The following FCN2 variants were observed in gnomAD, a reference collection of about 807,000 sequenced individuals.
FCN2 encodes the protein ficolin-2.
A neutral mutation model predicts 32.5 loss-of-function variants in FCN2; 31 were observed. That is an observed-to-expected ratio of 0.96 (90% CI 0.72 to 1.29). FCN2 has a LOEUF of 1.29. Among genes scored for constraint, FCN2 ranks in the 50% most tolerant of loss-of-function variants. The pLI is 0.00. For synonymous variants in FCN2, 181 were observed against 164.5 expected (o/e 1.10, Z -0.77); for missense variants, 412 against 406.5 (o/e 1.01, Z -0.12).
chr9:134,885,107 C>A, intron 4 of FCN2, 132 bp from the exon 5 acceptor site: 1 of 1,325,716 alleles, frequency 7.5e-7, no homozygotes, highest in Non-Finnish European at 1.1e-6. Flanking sequence ...GTGTCCCTGT[C>A]CAGGCCTCAG....
Position 134,883,340 on chromosome 9 carries a change from C to A in FCN2, c.253C>A (p.Pro85Thr). ...GPPGPPGKAG[P>T]PGPNGAPGEP... ...CCCTGGACCTCCTGGGAAGGCAGGA[C>A]CACCTGGGCCCAACGGTAAGGAGGG... Residue 85 changes from proline to threonine, a missense_variant, in exon 3 of 8, where the codon CCA becomes ACA. Physicochemically the swap from Pro to Thr is conservative, Grantham distance 38 (BLOSUM62 -1). Transcript: ENST00000291744. 6.2e-7 allele frequency: 1 copy of A among 1,613,584 alleles called. No homozygotes were observed. The highest frequency in any genetic ancestry group is 8.5e-7 in the Non-Finnish European group (1 of 1,179,590).
intron 3 of FCN2, among the ~76,000 whole-genome samples, chr9:134,883,787 A>G (rs1219189241): frequency 1.0e-5 from 1 of 98,914 alleles, no homozygotes; most frequent in Non-Finnish European, 2.0e-5. Context: ...TGGGGGAGAG[A>G]TTCTGGGATG....
chr9:134,871,269 TG>T, the FCN2 span, among the ~76,000 whole-genome samples: 1 of 152,198 alleles, frequency 6.6e-6, no homozygotes, highest in Non-Finnish European at 1.5e-5. Context: ...GCTTGGCCAC[TG>T]AGTGTGGTTT....
the FCN2 span, chr9:134,868,450 C>A: frequency 1.5e-5 from 3 of 194,236 alleles, no homozygotes; most frequent in South Asian, 1.2e-4. This position sits in a 1 kb window ranked among gnomAD's most constrained non-coding sequence, Gnocchi z 4.3. Context: ...TACAAGGTGT[C>A]GGAGATGAAG....
At chr9:134,871,397 G>C in the FCN2 span, among the ~76,000 whole-genome samples, 1 of 152,178 alleles carries the variant, frequency 6.6e-6, no homozygotes, top group African/African-American at 2.4e-5. Context: ...CTGGCATCTC[G>C]CGGGTCCCAC....
chr9:134,869,661 C>T, the FCN2 span, among the ~76,000 whole-genome samples: 3 of 152,258 alleles, frequency 2.0e-5, no homozygotes, highest in Admixed American at 2.0e-4. Flanking sequence ...GGTGGAAATG[C>T]TGGCAGGCCC....
intron 3 of FCN2, 102 bp from the exon 4 acceptor site, chr9:134,884,638 C>A: frequency 8.4e-7 from 1 of 1,190,410 alleles, no homozygotes; most frequent in Non-Finnish European, 1.2e-6. Context: ...CATACCATCA[C>A]CTCCTGGGGA....
At chr9:134,882,485 G>A in intron 1 of FCN2, 41 bp from the exon 2 acceptor site, 1 of 1,518,000 alleles carries the variant, frequency 6.6e-7, no homozygotes, top group South Asian at 1.1e-5. Flanking sequence ...GGAGTCTTCA[G>A]GCCCAGGTGA....
upstream of FCN2, among the ~76,000 whole-genome samples, chr9:134,879,207 T>C (rs1382749848): frequency 2.0e-5 from 3 of 152,234 alleles, no homozygotes; most frequent in Non-Finnish European, 4.4e-5. Context: ...AATCAATTAC[T>C]CAATTGGCCA....
chr9:134,869,677 G>A, the FCN2 span, among the ~76,000 whole-genome samples: 69 of 152,350 alleles, frequency 4.5e-4, no homozygotes, highest in East Asian at 0.011. Context: ...GGCCCAGTGC[G>A]GCTGCTTCAC....
the FCN2 span, among the ~76,000 whole-genome samples, chr9:134,869,837 G>C: frequency 1.3e-5 from 2 of 152,216 alleles, no homozygotes; most frequent in African/African-American, 2.4e-5. Flanking sequence ...TGAGGGCTAC[G>C]TGATCACAGA....
At chr9:134,881,378 GA>G (rs1476729802) in intron 1 of FCN2, among the ~76,000 whole-genome samples, 1 of 152,156 alleles carries the variant, frequency 6.6e-6, no homozygotes, top group African/African-American at 2.4e-5. Context: ...TTCCATCCAG[GA>G]CCTGCTGGGC....
intron 1 of FCN2, 120 bp downstream of exon 1, chr9:134,881,041 G>A (rs564157989): frequency 2.9e-5 from 22 of 748,830 alleles, no homozygotes; most frequent in Middle Eastern, 3.5e-4. Context: ...ATCGTCTAAC[G>A]AGACAGCAGC....
chr9:134,872,712 C>T, the FCN2 span, among the ~76,000 whole-genome samples: 3 of 152,124 alleles, frequency 2.0e-5, no homozygotes, highest in South Asian at 2.1e-4. Context: ...GAGAACAGCA[C>T]GAGAAGACCC....
chr9:134,882,149 G>A (rs898411864), intron 1 of FCN2, among the ~76,000 whole-genome samples: 1 of 152,242 alleles, frequency 6.6e-6, no homozygotes, highest in East Asian at 1.9e-4. Flanking sequence ...GGTAGGAGCT[G>A]AAATGAACCT....
chr9:134,881,773 G>A (rs1409277158), intron 1 of FCN2, among the ~76,000 whole-genome samples: 5 of 152,304 alleles, frequency 3.3e-5, no homozygotes, highest in South Asian at 2.1e-4. Context: ...CTAGTGGCTC[G>A]TTGTGGAGTG....
At chr9:134,883,432 T>C in intron 3 of FCN2, 77 bp downstream of exon 3, 1 of 1,325,850 alleles carries the variant, frequency 7.5e-7, no homozygotes, top group South Asian at 1.2e-5. Context: ...AGGCGGGTCT[T>C]CTGGGGCTGC....
In FCN2 at chr9:134,886,628, C is replaced by T. The variant is rs901987899; in HGVS notation, c.694+64C>T. On this transcript the variant is annotated intron_variant, in intron 7 of 7. Coordinates refer to ENST00000291744, the MANE Select transcript of FCN2 (RefSeq NM_004108.3). ...AGGGGGGTTTGGGAAGTGGAGAGAG[C>T]GTGCTCAGTGTCCTGGTAGCCTTGT... The T allele has an allele frequency of 3.2e-5, 50 of 1,582,244 alleles. 1 individual carries two copies. The highest frequency in any genetic ancestry group is 1.4e-4 in the South Asian group (12 of 88,418).
chr9:134,883,377 G>C (rs750889420), intron 3 of FCN2, 22 bp downstream of exon 3: 1 of 1,610,488 alleles, frequency 6.2e-7, no homozygotes, highest in East Asian at 2.2e-5. Flanking sequence ...ACAAGAGTGA[G>C]AAGCGGCTTC....
Sources: gnomAD v4.1 joint callset for allele counts (sites outside exome capture counted in the v4.1 genomes callset) on GRCh38, gnomAD v4.1.1 for gene constraint, Gnocchi (gnomAD v3.1) non-coding constraint, MANE v1.5 for transcripts, NCBI Gene and HGNC (gene_info 2026-07-23, HGNC 2026-07-21) for gene names.